The following CDK14 variants were observed in gnomAD, a reference collection of about 807,000 sequenced individuals.
The protein encoded by CDK14 is cyclin-dependent kinase 14.
A neutral mutation model predicts 60.7 loss-of-function variants in CDK14; 34 were observed. The ratio of observed to expected loss-of-function variants is 0.56; its 90% CI spans 0.43 to 0.75. The LOEUF (loss-of-function observed/expected upper bound fraction) is 0.75. CDK14 is among the 30% of genes least tolerant of loss of function. CDK14 has a pLI of 0.00. For missense variants in CDK14, 482 were observed against 564.1 expected (o/e 0.85, Z 1.47); for synonymous variants, 197 against 203.7 (o/e 0.97, Z 0.28).
At chr7:91,102,877 A>G (rs554327949) in intron 12 of CDK14, among the ~76,000 whole-genome samples, 76 of 152,352 alleles carry the variant, frequency 5.0e-4, no homozygotes, top group Non-Finnish European at 9.8e-4. Flanking sequence ...TGAAACCTCT[A>G]TAGATATAAC....
At chr7:90,914,889 T>C (rs1793023805) in intron 7 of CDK14, among the ~76,000 whole-genome samples, 1 of 152,212 alleles carries the variant, frequency 6.6e-6, no homozygotes, top group Non-Finnish European at 1.5e-5. Context: ...AGTACTCACA[T>C]TACTGGTGTA....
In CDK14 at chr7:91,104,774, A is replaced by T. The variant is rs116258583; in HGVS notation, c.1155-7768A>T. 3.4e-3 allele frequency among the ~76,000 whole-genome samples: 525 copies of T among 152,322 alleles called. 1 individual carries two copies. The highest frequency in any genetic ancestry group is 0.012 in the African/African-American group (510 of 41,586). On this transcript the variant is annotated intron_variant, in intron 12 of 14. Transcript: ENST00000380050. ...AGACATTGTGTGGTGAAAAAATGTCAGCCTGAATCAACTTCAGATAATTAG... is the reference window on the plus strand; with the variant it reads ...AGACATTGTGTGGTGAAAAAATGTCTGCCTGAATCAACTTCAGATAATTAG...
chr7:91,081,220 T>C (rs1295345632), intron 12 of CDK14, among the ~76,000 whole-genome samples: 2 of 152,210 alleles, frequency 1.3e-5, no homozygotes, highest in African/African-American at 2.4e-5. Context: ...ACGTTAATTA[T>C]ATTATTGATT....
intron 8 of CDK14, among the ~76,000 whole-genome samples, chr7:90,952,975 A>G (rs1220071743): frequency 6.6e-6 from 1 of 152,152 alleles, no homozygotes; most frequent in Non-Finnish European, 1.5e-5. Context: ...TTTATACTTC[A>G]AAGTCTCTTT....
chr7:91,110,109 A>G (rs916138950), intron 12 of CDK14, among the ~76,000 whole-genome samples: 3 of 152,168 alleles, frequency 2.0e-5, no homozygotes, highest in Non-Finnish European at 4.4e-5. Flanking sequence ...ATGGATTCCC[A>G]AAAGTATCAT....
chr7:90,803,115 T>C (rs1160944782), intron 5 of CDK14, among the ~76,000 whole-genome samples: 1 of 151,870 alleles, frequency 6.6e-6, no homozygotes, highest in East Asian at 1.9e-4. Flanking sequence ...ATTTTTTTTT[T>C]TCTTGCAGTA....
intron 5 of CDK14, among the ~76,000 whole-genome samples, chr7:90,791,198 T>C (rs1188743058): frequency 6.6e-6 from 1 of 152,164 alleles, no homozygotes; most frequent in Non-Finnish European, 1.5e-5. Context: ...TTTTATAATG[T>C]AGTTATTTGC....
At chr7:90,929,333 A>G (rs1181480807) in intron 8 of CDK14, among the ~76,000 whole-genome samples, 1 of 152,186 alleles carries the variant, frequency 6.6e-6, no homozygotes, top group African/African-American at 2.4e-5. Flanking sequence ...CTATTCGGCC[A>G]TCTTGGAACC....
In CDK14 at chr7:90,981,785, A is replaced by G. The variant is rs1795232803; in HGVS notation, c.948-2363A>G. Among the ~76,000 whole-genome samples, 3 of 122,118 alleles carry G rather than the reference A, an allele frequency of 2.5e-5. No homozygotes were observed. In the Admixed American group the frequency reaches 2.5e-4, roughly 10 times the overall value. The allele number at this position is 122,118 out of a possible 152,430, so 80.1% of individuals were successfully genotyped here. ...AATGTTAAAAATCTGGAGAATTTCCAGGAGGTAGAGAGTTCTAGAAACAAA... is the reference window on the plus strand; with the variant it reads ...AATGTTAAAAATCTGGAGAATTTCCGGGAGGTAGAGAGTTCTAGAAACAAA... On this transcript the variant is annotated intron_variant, in intron 9 of 14. Coordinates refer to ENST00000380050, the MANE Select transcript of CDK14 (RefSeq NM_001287135.2).
At chr7:90,789,747 A>G (rs1318134975) in intron 4 of CDK14, among the ~76,000 whole-genome samples, 2 of 152,082 alleles carry the variant, frequency 1.3e-5, no homozygotes, top group Non-Finnish European at 2.9e-5. Context: ...GTTTTTTCCT[A>G]TTTTAATTAA....
At chr7:91,143,145 A>G (rs1410877637) in intron 14 of CDK14, among the ~76,000 whole-genome samples, 1 of 152,224 alleles carries the variant, frequency 6.6e-6, no homozygotes, top group Non-Finnish European at 1.5e-5. Flanking sequence ...TGGGATATTT[A>G]TAGTCAGGGA....
At chr7:90,901,378 T>A (rs1792499513) in intron 7 of CDK14, among the ~76,000 whole-genome samples, 1 of 152,146 alleles carries the variant, frequency 6.6e-6, no homozygotes, top group African/African-American at 2.4e-5. Context: ...CTTTTCCTAC[T>A]TGGAAGTTGT....
In CDK14 at chr7:91,008,184, G is replaced by A. The variant is rs75191752; in HGVS notation, c.1041+23943G>A. On this transcript the variant is annotated intron_variant, in intron 10 of 14. Transcript: ENST00000380050. ...ACAGTGGATGGTGGAGGCAGCATTC[G>A]TTGCAGTAATTCCACTCAAGAATTT... Among the ~76,000 whole-genome samples the A allele has an allele frequency of 6.1e-5, 9 of 147,256 alleles. No individual in the cohort carries two copies. The East Asian group carries it at 7.9e-4, about 13-fold the overall frequency.
chr7:91,204,944 T>TA (rs1802839798), intron 14 of CDK14, among the ~76,000 whole-genome samples: 3 of 141,368 alleles, frequency 2.1e-5, no homozygotes, highest in African/African-American at 8.0e-5. Flanking sequence ...CAAGACCCAG[T>TA]CAAAAAAAAA....
At chr7:90,715,241 C>T (rs1253733142) in intron 2 of CDK14, among the ~76,000 whole-genome samples, 8 of 152,058 alleles carry the variant, frequency 5.3e-5, no homozygotes, top group Admixed American at 5.2e-4. Context: ...AAACAGAATT[C>T]AGAAGGCACT....
intron 6 of CDK14, among the ~76,000 whole-genome samples, chr7:90,894,317 C>CA (rs1792229695): frequency 6.6e-6 from 1 of 152,182 alleles, no homozygotes; most frequent in Admixed American, 6.5e-5. Context: ...GTCACCTGCT[C>CA]AAAGTTATGT....
chr7:90,635,603 A>C (rs1224675250), intron 2 of CDK14, among the ~76,000 whole-genome samples: 4 of 152,080 alleles, frequency 2.6e-5, no homozygotes, highest in Non-Finnish European at 5.9e-5. Context: ...CTTAGGATTG[A>C]CTTGGCAATG....
chr7:90,911,097 T>C (rs1342049162), intron 7 of CDK14, among the ~76,000 whole-genome samples: 5 of 152,208 alleles, frequency 3.3e-5, no homozygotes, highest in Non-Finnish European at 7.3e-5. Flanking sequence ...TTTCTTTCTT[T>C]TTCTGTGAAA....
intron 3 of CDK14, among the ~76,000 whole-genome samples, chr7:90,727,235 T>TG (rs1554441801): frequency 1.1e-4 from 16 of 152,012 alleles, no homozygotes; most frequent in East Asian, 5.8e-4. Context: ...CAGTTTTTTT[T>TG]GGGGGGGTAC....
Sources: allele counts gnomAD v4.1 joint callset (sites outside exome capture counted in the v4.1 genomes callset), GRCh38; gene constraint gnomAD v4.1.1; transcripts MANE v1.5; gene names NCBI Gene and HGNC (gene_info 2026-07-23, HGNC 2026-07-21).